The following ADGRD1 variants were observed in gnomAD, a reference collection of about 807,000 sequenced individuals.
ADGRD1 encodes the protein adhesion G protein-coupled receptor D1.
Under a neutral mutation model 113.4 loss-of-function variants are expected in ADGRD1, and 77 were observed. That is an observed-to-expected ratio of 0.68 (90% CI 0.57 to 0.82). The LOEUF is 0.82. ADGRD1 is among the 40% of genes least tolerant of loss of function. ADGRD1 has a pLI of 0.00. For missense variants in ADGRD1, 1,036 were observed against 1,139.1 expected, an observed-to-expected ratio of 0.91 and a Z score of 1.30; for synonymous variants, 474 against 475.0, an observed-to-expected ratio of 1.00 and a Z score of 0.03.
intron 12 of ADGRD1, among the ~76,000 whole-genome samples, chr12:131,009,291 C>T (rs747695148): frequency 2.6e-5 from 4 of 152,212 alleles, no homozygotes; most frequent in Non-Finnish European, 4.4e-5. Context: ...CTGAACTAAG[C>T]GATGTTGTGT....
intron 16 of ADGRD1, 128 bp downstream of exon 16, chr12:131,105,062 T>C: frequency 1.5e-6 from 1 of 682,602 alleles, no homozygotes; most frequent in East Asian, 2.9e-5. Flanking sequence ...GCTGGAAAGG[T>C]CTGGAAAGGC....
chr12:131,132,286 C>G (rs1392056548), intron 21 of ADGRD1, among the ~76,000 whole-genome samples: 1 of 152,192 alleles, frequency 6.6e-6, no homozygotes, highest in Non-Finnish European at 1.5e-5. Flanking sequence ...GAGCAGTGTC[C>G]TGGTGTGCTC....
At position 131,022,186 on chromosome 12, in the gene ADGRD1, A is replaced by G. The variant is rs1213352072; in HGVS notation, c.1473+7846A>G. On this transcript the variant is annotated intron_variant, in intron 13 of 24. Coordinates refer to ENST00000261654, the MANE Select transcript of ADGRD1 (RefSeq NM_198827.5). The surrounding 1 kb of genome is among the most constrained non-coding windows in gnomAD (Gnocchi z 4.6). ...GCAATTCGGCTCCAGCATAGCAAAT[A>G]TGGGATGTGAATGCTCATTGTTGCC... Among the ~76,000 whole-genome samples, 1 of 152,152 alleles carries G rather than the reference A, an allele frequency of 6.6e-6. No individual in the cohort carries two copies. Among genetic ancestry groups the G allele is most frequent in the Non-Finnish European group, 1.5e-5 (1 of 68,030 alleles).
chr12:130,987,749 T>C (rs1383256112), intron 6 of ADGRD1: 11 of 239,718 alleles, frequency 4.6e-5, no homozygotes, highest in Non-Finnish European at 6.5e-5. Context: ...GGGCAGTTGT[T>C]CGGGGCAGGG....
chr12:131,009,019 A>C lies in ADGRD1; in HGVS notation c.1331+2972A>C, dbSNP rs114515084. Among the ~76,000 whole-genome samples the C allele has an allele frequency of 3.4e-3, 515 of 152,326 alleles. 1 individual carries two copies. Among genetic ancestry groups the C allele is most frequent in the African/African-American group, 0.012 (496 of 41,574 alleles). On this transcript the variant is annotated intron_variant, in intron 12 of 24. Transcript: ENST00000261654. The stretch of plus-strand genomic sequence containing the variant: ...AGGCAGAAGCTATCAGTGGATGTGC[A>C]CACCAGCGGGAGCAGGGTTGCGGGG...
chr12:131,002,239 C>G (rs960169070), intron 9 of ADGRD1, among the ~76,000 whole-genome samples: 17 of 152,108 alleles, frequency 1.1e-4, no homozygotes, highest in Non-Finnish European at 2.4e-4. Context: ...ATATGAATAA[C>G]CAGGAAACTG....
Position 131,136,133 on chromosome 12 carries a change from G to C in ADGRD1, c.2364G>C (p.Gln788His). 7.4e-6 allele frequency: 12 copies of C among 1,614,178 alleles called. No homozygotes were observed. The highest frequency in any genetic ancestry group is 1.0e-5 in the Non-Finnish European group (12 of 1,180,036). Residue 788 changes from glutamine to histidine, a missense_variant, in exon 22 of 25, where the codon CAG becomes CAC. Transcript: ENST00000261654. ...LAVNGCAVVF[Q>H]YMFATLNSLQ... ...TCAACGGTTGTGCTGTGGTTTTCCA[G>C]TACATGTTTGCCACGCTCAACTCCC...
rs1870861688 is a variant in ADGRD1 at position 130,965,064 on chromosome 12, A to T, written c.104-1399A>T. On this transcript the variant is annotated intron_variant, in intron 2 of 24. Coordinates refer to ENST00000261654, the MANE Select transcript of ADGRD1 (RefSeq NM_198827.5). The surrounding 1 kb of genome is among the most constrained non-coding windows in gnomAD (Gnocchi z 4.8). ...CCTTCATGCATTCGAGGGTGCTTTCACATCCCTCAGAATTATTATTTTTTA... is the reference window on the plus strand; with the variant it reads ...CCTTCATGCATTCGAGGGTGCTTTCTCATCCCTCAGAATTATTATTTTTTA... Among the ~76,000 whole-genome samples the T allele has an allele frequency of 6.6e-6, 1 of 152,198 alleles. No homozygotes were observed. The highest frequency in any genetic ancestry group is 1.5e-5 in the Non-Finnish European group (1 of 68,034).
chr12:131,091,155 T>C (rs576047447), intron 15 of ADGRD1, among the ~76,000 whole-genome samples: 28 of 152,340 alleles, frequency 1.8e-4, no homozygotes, highest in Non-Finnish European at 2.8e-4. Context: ...AAGGCAAGTT[T>C]TTCTTTTAAT....
intron 18 of ADGRD1, among the ~76,000 whole-genome samples, chr12:131,114,191 G>A (rs535255958): frequency 6.6e-6 from 1 of 152,166 alleles, no homozygotes; most frequent in South Asian, 2.1e-4. Context: ...AGCCTGGAAG[G>A]ATGTTTTATT....
rs139539945 is a variant in ADGRD1 at position 131,130,624 on chromosome 12, A to T, written c.2176-1101A>T. Among the ~76,000 whole-genome samples, 9 of 152,350 alleles carry T rather than the reference A, an allele frequency of 5.9e-5. No homozygotes were observed. The East Asian group carries it at 1.7e-3, about 29-fold the overall frequency. Reference sequence around the variant, plus strand: ...CACAGAAGGTGGCTTCAAGGCCCCTAGGGTGAGGCGGGCTCAGCAGTTGCT... The same window carrying T: ...CACAGAAGGTGGCTTCAAGGCCCCTTGGGTGAGGCGGGCTCAGCAGTTGCT... On this transcript the variant is annotated intron_variant, in intron 20 of 24. Transcript: ENST00000261654.
At chr12:130,959,769 G>C (rs1247325393) in intron 2 of ADGRD1, among the ~76,000 whole-genome samples, 1 of 152,210 alleles carries the variant, frequency 6.6e-6, no homozygotes, top group Non-Finnish European at 1.5e-5. Flanking sequence ...ACCATGTAGA[G>C]AGGTGTTTCA....
At chr12:131,007,121 G>A (rs1481981445) in intron 12 of ADGRD1, among the ~76,000 whole-genome samples, 1 of 152,206 alleles carries the variant, frequency 6.6e-6, no homozygotes, top group African/African-American at 2.4e-5. Context: ...AGCGGCATCC[G>A]TGCCACGGCC....
At chr12:131,037,301 C>G (rs1463781312) in intron 13 of ADGRD1, among the ~76,000 whole-genome samples, 2 of 124,334 alleles carry the variant, frequency 1.6e-5, no homozygotes, top group African/African-American at 6.2e-5. Flanking sequence ...ACTCACTGCA[C>G]CAGGATCTTA....
intron 15 of ADGRD1, among the ~76,000 whole-genome samples, chr12:131,103,301 A>G (rs1283129776): frequency 2.6e-5 from 4 of 152,270 alleles, no homozygotes. Context: ...GAAGGGGGCC[A>G]GGCCAAGGCC....
In ADGRD1 at chr12:131,096,390, G is replaced by A. The variant is rs188657203; in HGVS notation, c.1672-8441G>A. On this transcript the variant is annotated intron_variant, in intron 15 of 24. Transcript: ENST00000261654. The surrounding 1 kb of genome is among the most constrained non-coding windows in gnomAD (Gnocchi z 5.2). ...GCCTCCCAAGCAGCTGAGACTAGAG[G>A]TGTGCACCACCATGCCTGGCAAGAT... Among the ~76,000 whole-genome samples, 36 of 152,262 alleles carry A rather than the reference G, an allele frequency of 2.4e-4. No individual in the cohort carries two copies. The highest frequency in any genetic ancestry group is 4.6e-4 in the Non-Finnish European group (31 of 68,016).
intron 12 of ADGRD1, among the ~76,000 whole-genome samples, chr12:131,007,648 C>A (rs1877306730): frequency 6.6e-6 from 1 of 152,242 alleles, no homozygotes; most frequent in Admixed American, 6.5e-5. Context: ...ACTCTGACGT[C>A]CCCCTGCAAA....
chr12:131,097,029 A>G (rs569959304), intron 15 of ADGRD1, among the ~76,000 whole-genome samples: 108 of 152,276 alleles, frequency 7.1e-4, no homozygotes, highest in South Asian at 4.8e-3. Flanking sequence ...TGGACAGTCT[A>G]TGGATCTGGC....
At chr12:131,123,165 T>G (rs565537220) in intron 20 of ADGRD1, among the ~76,000 whole-genome samples, 1 of 148,724 alleles carries the variant, frequency 6.7e-6, no homozygotes, top group South Asian at 2.2e-4. Flanking sequence ...CAAGCAATTC[T>G]CTTGCCTCAG....
Sources: gnomAD v4.1 joint callset for allele counts (sites outside exome capture counted in the v4.1 genomes callset) on GRCh38, gnomAD v4.1.1 for gene constraint, Gnocchi (gnomAD v3.1) non-coding constraint, MANE v1.5 for transcripts, NCBI Gene and HGNC (gene_info 2026-07-23, HGNC 2026-07-21) for gene names.